The following TRAF3IP2 variants were observed in gnomAD, a reference collection of about 807,000 sequenced individuals.
TRAF3IP2 encodes TRAF3 interacting protein 2, also known as E3 ubiquitin ligase TRAF3IP2.
In TRAF3IP2, 35 loss-of-function variants were observed where a neutral mutation model predicts 57.9. The ratio of observed to expected loss-of-function variants is 0.60; its 90% CI spans 0.46 to 0.80. TRAF3IP2 has a LOEUF of 0.80. Among genes scored for constraint, TRAF3IP2 ranks in the 30% least tolerant of loss-of-function variants. The pLI is 0.00. For synonymous variants in TRAF3IP2, 251 were observed against 268.9 expected, an observed-to-expected ratio of 0.93 and a Z score of 0.65; for missense variants, 556 against 706.4, an observed-to-expected ratio of 0.79 and a Z score of 2.41.
chr6:111,597,596 T>C (rs949921399), intron 1 of TRAF3IP2, among the ~76,000 whole-genome samples: 1 of 152,226 alleles, frequency 6.6e-6, no homozygotes, highest in African/African-American at 2.4e-5. Context: ...ATGTCCATAG[T>C]GTAAAAATAC....
At position 111,591,526 on chromosome 6, in the gene TRAF3IP2, T is replaced by A. The variant is rs762260369; in HGVS notation, c.561A>T (p.Arg187=). Residue 187 remains arginine (R), a synonymous_variant, in exon 2 of 9, where the codon CGA becomes CGT. Transcript: ENST00000368761. The surrounding 1 kb of genome is among the most constrained non-coding windows in gnomAD (Gnocchi z 4.9). ...MVQRPQPHRN[R]AGLDLPTIDT... is the part of the protein sequence containing the mutation. Reference sequence around the variant, plus strand: ...CTATGGTTGGCAGATCCAGGCCTGCTCGGTTCCTGTGAGGCTGGGGCCGTT... The same window carrying A: ...CTATGGTTGGCAGATCCAGGCCTGCACGGTTCCTGTGAGGCTGGGGCCGTT... 1.8e-5 allele frequency: 29 copies of A among 1,613,918 alleles called. No individual in the cohort carries two copies. The East Asian group carries it at 6.5e-4, about 36-fold the overall frequency.
chr6:111,573,074 C>A, intron 4 of TRAF3IP2, 91 bp from the exon 5 acceptor site: 1 of 1,047,988 alleles, frequency 9.5e-7, no homozygotes, highest in South Asian at 1.4e-5. Flanking sequence ...TTTTGTCCTT[C>A]TAGAATAATA....
chr6:111,598,173 T>C, intron 1 of TRAF3IP2: 1 of 236,714 alleles, frequency 4.2e-6, no homozygotes, highest in East Asian at 1.1e-4. Context: ...CTGAGTATTT[T>C]TGTTTATTGT....
chr6:111,604,501 C>G (rs1381742273), intron 1 of TRAF3IP2, among the ~76,000 whole-genome samples: 1 of 152,222 alleles, frequency 6.6e-6, no homozygotes, highest in Non-Finnish European at 1.5e-5. Flanking sequence ...GACTATCCTT[C>G]CTGGGTAACC....
rs1024141158 is a variant in TRAF3IP2 at position 111,555,806 on chromosome 6, T to C, written c.*3599A>G. Among the ~76,000 whole-genome samples the C allele has an allele frequency of 1.3e-5, 2 of 152,162 alleles. No homozygotes were observed. The highest frequency in any genetic ancestry group is 4.8e-5 in the African/African-American group (2 of 41,444). ...ATTGTCAGTGCTCTCAAATAGTTGT[T>C]ACAATTCCTTTGATGGGCCGGGCGT... On this transcript the variant is annotated 3_prime_UTR_variant, in exon 9 of 9. Transcript: ENST00000368761.
intron 1 of TRAF3IP2, chr6:111,598,027 C>A: frequency 2.5e-6 from 1 of 401,632 alleles, no homozygotes; most frequent in South Asian, 1.8e-5. Flanking sequence ...TGGCAGTGCC[C>A]TGGGTCATCT....
chr6:111,566,448 C>T lies in TRAF3IP2; in HGVS notation c.1472G>A (p.Arg491Gln), dbSNP rs764736740. 3.7e-6 allele frequency: 6 copies of T among 1,612,588 alleles called. No homozygotes were observed. Among genetic ancestry groups the T allele is most frequent in the East Asian group, 2.2e-5 (1 of 44,892 alleles). ...EHGLHTKYIH[R>Q]MMQIEFIKQG... ...TGTGATCCCCTCCCCACTCACCATT[C>T]GATGAATGTACTTAGTATGTAAGCC... is the stretch of plus-strand genomic sequence containing the variant. The change falls in exon 7 of 9, where the codon CGA becomes CAA. Residue 491 changes from arginine to glutamine, a missense_variant. Arg to Gln is a conservative substitution (Grantham distance 43). Transcript: ENST00000368761.
chr6:111,591,503 A>G lies in TRAF3IP2; in HGVS notation c.584T>C (p.Ile195Thr). ...GGGCTGGGAATCATATCCCGTGTCT[A>G]TGGTTGGCAGATCCAGGCCTGCTCG... is the stretch of plus-strand genomic sequence containing the variant. ...RNRAGLDLPT[I>T]DTGYDSQPQD... The change falls in exon 2 of 9, where the codon ATA becomes ACA. Residue 195 changes from isoleucine to threonine, a missense_variant. Ile to Thr is a moderately conservative substitution (Grantham distance 89). Around this residue, in one of 2 missense-constraint regions of TRAF3IP2, gnomAD observed 428 missense variants for 498.7 expected, o/e 0.86. Transcript: ENST00000368761. The surrounding 1 kb of genome is among the most constrained non-coding windows in gnomAD (Gnocchi z 4.9). 1.2e-6 allele frequency: 2 copies of G among 1,611,828 alleles called. No individual in the cohort carries two copies. The highest frequency in any genetic ancestry group is 8.5e-7 in the Non-Finnish European group (1 of 1,178,266).
Position 111,592,024 on chromosome 6 carries a change from T to C in TRAF3IP2, c.63A>G (p.Lys21=). 1.2e-6 allele frequency: 2 copies of C among 1,614,212 alleles called. No individual in the cohort carries two copies. Among genetic ancestry groups the C allele is most frequent in the East Asian group, 4.5e-5 (2 of 44,892 alleles). The part of the protein sequence containing the change: ...ESEPYPSQLL[K]PIPEYSPEEE... ...CTTCCGGGGAATATTCTGGGATTGG[T>C]TTCAGCAACTGACTTGGGTATGGTT... The change falls in exon 2 of 9, where the codon AAA becomes AAG. Residue 21 remains lysine, a synonymous_variant. Coordinates refer to ENST00000368761, the MANE Select transcript of TRAF3IP2 (RefSeq NM_147686.4).
intron 1 of TRAF3IP2, among the ~76,000 whole-genome samples, chr6:111,602,676 G>A (rs1796910121): frequency 6.6e-6 from 1 of 152,118 alleles, no homozygotes; most frequent in Non-Finnish European, 1.5e-5. Context: ...GGGTAAGCTG[G>A]GAGGCCAGGA....
chr6:111,598,539 C>A lies in TRAF3IP2; in HGVS notation c.-8-6445G>T, dbSNP rs142729634. Among the ~76,000 whole-genome samples, 133 of 152,250 alleles carry A rather than the reference C, an allele frequency of 8.7e-4. 5 individuals are homozygous for A. In the East Asian group the frequency reaches 0.024, roughly 27 times the overall value. ...GCTGTGTGAACTGAAATGGAACTAT[C>A]TCTAAGATTTATTAAGTTAAAAAAA... On this transcript the variant is annotated intron_variant, in intron 1 of 8. Coordinates refer to ENST00000368761, the MANE Select transcript of TRAF3IP2 (RefSeq NM_147686.4).
At chr6:111,577,288 T>C (rs1285787774) in intron 3 of TRAF3IP2, 1 of 152,182 alleles carries the variant, frequency 6.6e-6, no homozygotes, top group East Asian at 1.9e-4. Context: ...TGTTAAGGCC[T>C]TGATAATATT....
At chr6:111,589,177 C>CAG (rs1388689409) in intron 2 of TRAF3IP2, among the ~76,000 whole-genome samples, 2 of 149,966 alleles carry the variant, frequency 1.3e-5, no homozygotes, top group Non-Finnish European at 3.0e-5. Flanking sequence ...TCTTGTGCCT[C>CAG]AGTCTCCCGA....
chr6:111,570,469 T>A (rs1166449328), intron 5 of TRAF3IP2, among the ~76,000 whole-genome samples: 2 of 152,188 alleles, frequency 1.3e-5, no homozygotes, highest in African/African-American at 2.4e-5. Flanking sequence ...TACACTCTCC[T>A]TAAATTACTC....
chr6:111,596,758 G>A (rs1452169816), intron 1 of TRAF3IP2, among the ~76,000 whole-genome samples: 1 of 151,984 alleles, frequency 6.6e-6, no homozygotes, highest in East Asian at 1.9e-4. Flanking sequence ...CAGTCGGTGT[G>A]CCTGACTTTT....
At chr6:111,567,545 G>T in intron 6 of TRAF3IP2, 79 bp downstream of exon 6, 1 of 1,480,716 alleles carries the variant, frequency 6.8e-7, no homozygotes, top group Non-Finnish European at 9.1e-7. Context: ...GTATGCCAGG[G>T]TTTCTTTAAT....
At chr6:111,577,509 C>T (rs950096501) in intron 3 of TRAF3IP2, among the ~76,000 whole-genome samples, 14 of 152,068 alleles carry the variant, frequency 9.2e-5, no homozygotes, top group Non-Finnish European at 1.8e-4. Context: ...CCACCTTAGC[C>T]TCCTGAGTAG....
chr6:111,594,454 C>A (rs923732933), intron 1 of TRAF3IP2: 15 of 444,178 alleles, frequency 3.4e-5, no homozygotes, highest in Non-Finnish European at 5.4e-5. Context: ...AGTGTGAGTA[C>A]CTTAGAAGCG....
rs1797003727 is a variant in TRAF3IP2, at chr6:111,605,806, C to T, written c.-39G>A. 1 of 152,126 alleles carries T rather than the reference C, an allele frequency of 6.6e-6. No individual in the cohort carries two copies. Among genetic ancestry groups the T allele is most frequent in the African/African-American group, 2.4e-5 (1 of 41,424 alleles). The allele number at this position is 152,126 out of a possible 1,614,324, so 9.4% of individuals were successfully genotyped here. A position where few individuals can be genotyped will look rare whatever the true frequency, so the allele number is the denominator to read the frequency against. The stretch of plus-strand genomic sequence containing the variant: ...ATCCACCACGGACAGACAGACTGGG[C>T]CCGGAGGGTAGTCGGCTCTCGGCGG... On this transcript the variant is annotated 5_prime_UTR_variant, in exon 1 of 9. Transcript: ENST00000368761.
Sources: gnomAD v4.1 joint callset for allele counts (sites outside exome capture counted in the v4.1 genomes callset) on GRCh38, gnomAD v4.1.1 for gene constraint, gnomAD v4.1.1 regional missense constraint, Gnocchi (gnomAD v3.1) non-coding constraint, MANE v1.5 for transcripts, NCBI Gene and HGNC (gene_info 2026-07-23, HGNC 2026-07-21) for gene names.